LIN54: variants seen among roughly 807,000 people sequenced by gnomAD.
The protein encoded by LIN54 is protein lin-54 homolog.
In LIN54, 9 loss-of-function variants were observed where a neutral mutation model predicts 78.7. That is an observed-to-expected ratio of 0.11 (90% CI 0.07 to 0.20). LIN54 has a LOEUF of 0.20. Ranked by LOEUF, LIN54 falls within the 10% of genes least tolerant of loss-of-function variation. The pLI is 1.00. For missense variants in LIN54, 573 were observed against 889.9 expected (o/e 0.64, Z 4.53); for synonymous variants, 269 against 318.4 (o/e 0.84, Z 1.65).
At chr4:82,998,037 TACAC>T (rs1560790269) in intron 1 of LIN54, among the ~76,000 whole-genome samples, 2 of 47,562 alleles carry the variant, frequency 4.2e-5, no homozygotes, top group East Asian at 1.3e-3. Flanking sequence ...TATATATATA[TACAC>T]ACACGTATAT....
intron 1 of LIN54, among the ~76,000 whole-genome samples, chr4:82,997,136 T>A (rs72927115): frequency 6.6e-6 from 1 of 152,144 alleles, no homozygotes; most frequent in African/African-American, 2.4e-5. Flanking sequence ...TAATATTTAC[T>A]GTGTATAAAT....
chr4:82,991,260 T>C (rs1015180302), intron 1 of LIN54, among the ~76,000 whole-genome samples: 4 of 152,108 alleles, frequency 2.6e-5, no homozygotes, highest in African/African-American at 4.8e-5. Flanking sequence ...GTCTTATACA[T>C]ATTTTGTTAA....
At chr4:82,979,110 T>C in intron 2 of LIN54, 104 bp from the exon 3 acceptor site, 1 of 710,580 alleles carries the variant, frequency 1.4e-6, no homozygotes, top group Non-Finnish European at 2.3e-6. Context: ...TAAAACCAGC[T>C]CACTTAACAG....
intron 3 of LIN54, among the ~76,000 whole-genome samples, chr4:82,978,098 T>TG (rs1726312349): frequency 1.8e-3 from 1 of 566 alleles, no homozygotes; most frequent in South Asian, 0.5. Context: ...GGACCAGAAA[T>TG]TCAAAGTCAA....
At chr4:82,956,464 C>T (rs187054264) in intron 4 of LIN54, among the ~76,000 whole-genome samples, 1 of 151,852 alleles carries the variant, frequency 6.6e-6, no homozygotes, top group East Asian at 2.0e-4. Flanking sequence ...TCATTTGAGC[C>T]CAGGAGTTCA....
chr4:82,984,671 G>A lies in LIN54; in HGVS notation c.174C>T (p.Ala58=). 1 of 1,614,118 alleles carries A rather than the reference G, an allele frequency of 6.2e-7. No individual in the cohort carries two copies. The highest frequency in any genetic ancestry group is 8.5e-7 in the Non-Finnish European group (1 of 1,180,030). The change falls in exon 2 of 13, where the codon GCC becomes GCT. Residue 58 remains alanine (A), a synonymous_variant. Coordinates refer to ENST00000340417, the MANE Select transcript of LIN54 (RefSeq NM_194282.4). ...TGATTGGTTCCGTGGAAATGGGCGT[G>A]GCTGTAGAGTCACCAGTAGAATTTA... ...VNINSTGDST[A]TPISTEPITV...
intron 1 of LIN54, among the ~76,000 whole-genome samples, chr4:82,999,816 A>C (rs994638384): frequency 6.6e-6 from 1 of 151,012 alleles, no homozygotes; most frequent in Non-Finnish European, 1.5e-5. Flanking sequence ...CAGGAGAAGC[A>C]GCTTCCAGTG....
Position 82,938,095 on chromosome 4 carries a change from C to A in LIN54, c.1532+318G>T, listed in dbSNP as rs368641507. On this transcript the variant is annotated intron_variant, in intron 8 of 12. Transcript: ENST00000340417. Reference sequence around the variant, plus strand: ...GAGCTGAGATCACAGCACTGCACTCCAGCCTGGGCAACAGAGCAAGACCTT... The same window carrying A: ...GAGCTGAGATCACAGCACTGCACTCAAGCCTGGGCAACAGAGCAAGACCTT... Among the ~76,000 whole-genome samples, 11 of 152,270 alleles carry A rather than the reference C, an allele frequency of 7.2e-5. No homozygotes were observed. The East Asian group carries it at 7.7e-4, about 11-fold the overall frequency.
At chr4:82,975,324 A>G (rs901696209) in intron 3 of LIN54, among the ~76,000 whole-genome samples, 5 of 151,204 alleles carry the variant, frequency 3.3e-5, no homozygotes, top group African/African-American at 1.2e-4. Context: ...TGACAGAGTG[A>G]AACTGCATCT....
rs1201387194 is a variant in LIN54 at position 82,932,937 on chromosome 4, C to T, written c.1846-1792G>A. ...ACGAATTTGAGTATGTTTTTGTTAGCTGTGTTTTCTTCAATGAACCCATGT... is the reference window on the plus strand; with the variant it reads ...ACGAATTTGAGTATGTTTTTGTTAGTTGTGTTTTCTTCAATGAACCCATGT... On this transcript the variant is annotated intron_variant, in intron 11 of 12. Transcript: ENST00000340417. Among the ~76,000 whole-genome samples the T allele has an allele frequency of 3.3e-5, 5 of 152,116 alleles. No homozygotes were observed. The East Asian group carries it at 9.6e-4, about 29-fold the overall frequency.
chr4:82,991,644 C>T (rs139933955), intron 1 of LIN54, among the ~76,000 whole-genome samples: 102 of 152,158 alleles, frequency 6.7e-4, no homozygotes, highest in African/African-American at 2.4e-3. Context: ...TTTTCTTTAC[C>T]AGGTTGAGAA....
chr4:82,935,675 A>T (rs1443364098), intron 11 of LIN54, among the ~76,000 whole-genome samples: 1 of 152,070 alleles, frequency 6.6e-6, no homozygotes, highest in Non-Finnish European at 1.5e-5. Context: ...ATCCACTTTG[A>T]TATTATTTTT....
chr4:82,995,900 C>A (rs1018444223), intron 1 of LIN54, among the ~76,000 whole-genome samples: 2 of 151,534 alleles, frequency 1.3e-5, no homozygotes, highest in Non-Finnish European at 2.9e-5. Flanking sequence ...AATCCCAGCA[C>A]TTTGGGAGGC....
chr4:82,930,000 C>T lies in LIN54; in HGVS notation c.2048+943G>A, dbSNP rs112023896. ...GCAACCTCTGCCTCCCAGGCTCAAG[C>T]GATTCTCCTGCGTCAGCCTCCCAAG... On this transcript the variant is annotated intron_variant, in intron 12 of 12. Coordinates refer to ENST00000340417, the MANE Select transcript of LIN54 (RefSeq NM_194282.4). Among the ~76,000 whole-genome samples, 1,122 of 152,118 alleles carry T rather than the reference C, an allele frequency of 7.4e-3. 15 individuals are homozygous for T. The highest frequency in any genetic ancestry group is 0.01 in the Middle Eastern group (3 of 294).
At chr4:83,000,385 C>T (rs926750871) in intron 1 of LIN54, among the ~76,000 whole-genome samples, 2 of 152,158 alleles carry the variant, frequency 1.3e-5, no homozygotes, top group African/African-American at 4.8e-5. Flanking sequence ...CTGCTAAACC[C>T]TGAGCCTTGA....
rs546542772 is a variant in LIN54 at position 82,962,676 on chromosome 4, T to TA, written c.951+7650dup. Among the ~76,000 whole-genome samples, 528 of 147,868 alleles carry TA rather than the reference T, an allele frequency of 3.6e-3. 6 individuals carry two copies. The highest frequency in any genetic ancestry group is 0.012 in the African/African-American group (479 of 40,394). Reference sequence around the variant, plus strand: ...AGGGCCAAATGAAAATGCTAGAAATTAAAAAAAAAATCACAAATGAAGAAG... The same window carrying TA: ...AGGGCCAAATGAAAATGCTAGAAATTAAAAAAAAAAATCACAAATGAAGAAG... On this transcript the variant is annotated intron_variant, in intron 4 of 12. Coordinates refer to ENST00000340417, the MANE Select transcript of LIN54 (RefSeq NM_194282.4).
intron 4 of LIN54, among the ~76,000 whole-genome samples, chr4:82,954,952 A>G (rs953489360): frequency 6.6e-6 from 1 of 152,238 alleles, no homozygotes; most frequent in Non-Finnish European, 1.5e-5. Context: ...TTTTAGATAC[A>G]CTACCAAAAG....
chr4:83,004,917 C>T (rs1729217936), intron 1 of LIN54, among the ~76,000 whole-genome samples: 1 of 152,080 alleles, frequency 6.6e-6, no homozygotes, highest in African/African-American at 2.4e-5. Context: ...GTTTTTGAGA[C>T]AGAGTCTGGC....
chr4:82,937,513 C>A (rs138912017), intron 8 of LIN54, among the ~76,000 whole-genome samples: 1 of 152,176 alleles, frequency 6.6e-6, no homozygotes, highest in Non-Finnish European at 1.5e-5. Context: ...GTTCTATTTA[C>A]ACTAGGTTCA....
Sources: allele counts gnomAD v4.1 joint callset (sites outside exome capture counted in the v4.1 genomes callset), GRCh38; gene constraint gnomAD v4.1.1; transcripts MANE v1.5; gene names NCBI Gene and HGNC (gene_info 2026-07-23, HGNC 2026-07-21).